Variants in KCND2 observed in about 807,000 individuals in gnomAD.
KCND2 encodes the protein potassium voltage-gated channel subfamily D member 2, also known as A-type voltage-gated potassium channel KCND2.
A neutral mutation model predicts 54.4 loss-of-function variants in KCND2; 16 were observed. That is an observed-to-expected ratio of 0.29 (90% CI 0.20 to 0.45). The LOEUF is 0.45. Among genes scored for constraint, KCND2 ranks in the 20% least tolerant of loss-of-function variants. KCND2 has a pLI of 1.00. For missense variants in KCND2, 486 were observed against 824.2 expected (o/e 0.59, Z 5.02); for synonymous variants, 317 against 310.7 (o/e 1.02, Z -0.21).
At position 120,509,107 on chromosome 7, in the gene KCND2, A is replaced by T. The variant is rs139522252; in HGVS notation, c.1116-223796A>T. On this transcript the variant is annotated intron_variant, in intron 1 of 5. Coordinates refer to ENST00000331113, the MANE Select transcript of KCND2 (RefSeq NM_012281.3). ...TATAGACTATATTAATTTAAAACTG[A>T]TTTTACTTGTAATTATATTTATAAT... Among the ~76,000 whole-genome samples the T allele has an allele frequency of 5.9e-3, 893 of 152,136 alleles. 8 individuals are homozygous for T. The highest frequency in any genetic ancestry group is 0.021 in the African/African-American group (854 of 41,534).
chr7:120,449,453 G>A (rs1405288574), intron 1 of KCND2, among the ~76,000 whole-genome samples: 1 of 152,162 alleles, frequency 6.6e-6, no homozygotes, highest in Non-Finnish European at 1.5e-5. Context: ...AATCATTTAA[G>A]GAGATTTTAG....
At chr7:120,353,029 T>G (rs1800438181) in intron 1 of KCND2, among the ~76,000 whole-genome samples, 1 of 152,028 alleles carries the variant, frequency 6.6e-6, no homozygotes, top group Non-Finnish European at 1.5e-5. Flanking sequence ...ATTAATTGTG[T>G]GCTAGATTTC....
At chr7:120,426,777 A>C (rs1317485891) in intron 1 of KCND2, among the ~76,000 whole-genome samples, 1 of 151,554 alleles carries the variant, frequency 6.6e-6, no homozygotes, top group East Asian at 1.9e-4. Flanking sequence ...GCCTGCCACC[A>C]TGCCCGGCTA....
intron 1 of KCND2, among the ~76,000 whole-genome samples, chr7:120,362,138 A>C (rs1311204435): frequency 6.6e-6 from 1 of 152,142 alleles, no homozygotes; most frequent in Non-Finnish European, 1.5e-5. Context: ...AATTACAGCT[A>C]AGTCTGTAGT....
chr7:120,729,489 C>G (rs1355603968), intron 1 of KCND2, among the ~76,000 whole-genome samples: 1 of 152,176 alleles, frequency 6.6e-6, no homozygotes, highest in Non-Finnish European at 1.5e-5. Context: ...TCAGGCTGTC[C>G]TTACATGAGA....
chr7:120,546,151 T>C (rs2116388770), intron 1 of KCND2, among the ~76,000 whole-genome samples: 1 of 152,084 alleles, frequency 6.6e-6, no homozygotes, highest in Middle Eastern at 3.4e-3. Context: ...GGTTTCTGTC[T>C]ACCCCTCCAT....
At chr7:120,338,278 G>A (rs995243190) in intron 1 of KCND2, among the ~76,000 whole-genome samples, 1 of 151,974 alleles carries the variant, frequency 6.6e-6, no homozygotes, top group South Asian at 2.1e-4. Flanking sequence ...TTTGTATCCA[G>A]TATCTCTTAC....
chr7:120,460,702 C>T (rs1462435922), intron 1 of KCND2, among the ~76,000 whole-genome samples: 1 of 151,994 alleles, frequency 6.6e-6, no homozygotes, highest in Non-Finnish European at 1.5e-5. Context: ...GGAGGCACCT[C>T]CATACTGATG....
intron 1 of KCND2, among the ~76,000 whole-genome samples, chr7:120,729,480 C>T (rs1228205392): frequency 1.3e-5 from 2 of 152,196 alleles, no homozygotes; most frequent in African/African-American, 4.8e-5. Flanking sequence ...GCCAAGGGCT[C>T]AGGCTGTCCT....
Position 120,274,477 on chromosome 7 carries a change from C to A in KCND2, c.-156C>A. 1 of 825,904 alleles carries A rather than the reference C, an allele frequency of 1.2e-6. No individual in the cohort carries two copies. Among genetic ancestry groups the A allele is most frequent in the Non-Finnish European group, 2.0e-6 (1 of 491,732 alleles). 51.2% of individuals were successfully genotyped at this position (825,904 alleles called of 1,614,324 possible). On this transcript the variant is annotated 5_prime_UTR_variant, in exon 1 of 6. Coordinates refer to ENST00000331113, the MANE Select transcript of KCND2 (RefSeq NM_012281.3). ...AAAGTTGCCCTTCTGAGAACTGTGA[C>A]TTTACCAGGAGCCCTATCTTGGAAT...
chr7:120,537,162 G>A (rs566645187), intron 1 of KCND2, among the ~76,000 whole-genome samples: 7 of 152,288 alleles, frequency 4.6e-5, no homozygotes, highest in South Asian at 2.1e-4. Flanking sequence ...TACATGTTAC[G>A]TTAGCAGGCA....
intron 1 of KCND2, among the ~76,000 whole-genome samples, chr7:120,524,062 C>A (rs553395293): frequency 1.3e-5 from 2 of 151,650 alleles, no homozygotes; most frequent in East Asian, 3.9e-4. Context: ...ATGGTGAAAC[C>A]CCATCTCTCC....
intron 1 of KCND2, among the ~76,000 whole-genome samples, chr7:120,282,629 A>G (rs1165703822): frequency 6.6e-6 from 1 of 152,200 alleles, no homozygotes; most frequent in African/African-American, 2.4e-5. Flanking sequence ...GTAGGATGAC[A>G]GTTGAGATAA....
chr7:120,361,448 A>G (rs1800591792), intron 1 of KCND2, among the ~76,000 whole-genome samples: 1 of 151,728 alleles, frequency 6.6e-6, no homozygotes, highest in Non-Finnish European at 1.5e-5. Context: ...AACATAAGTC[A>G]ATTTCTCAGT....
intron 1 of KCND2, among the ~76,000 whole-genome samples, chr7:120,424,661 C>T (rs1041966582): frequency 2.0e-5 from 3 of 152,158 alleles, no homozygotes; most frequent in South Asian, 2.1e-4. Context: ...TGCCTTCCTA[C>T]GCATGGATTT....
intron 1 of KCND2, among the ~76,000 whole-genome samples, chr7:120,486,321 TA>T (rs749267613): frequency 7.2e-5 from 11 of 152,078 alleles, no homozygotes; most frequent in Non-Finnish European, 1.3e-4. Flanking sequence ...TTTGTAGAAC[TA>T]AAAACAATGA....
intron 1 of KCND2, among the ~76,000 whole-genome samples, chr7:120,333,267 G>T (rs937506820): frequency 6.6e-6 from 1 of 152,052 alleles, no homozygotes; most frequent in Non-Finnish European, 1.5e-5. Context: ...ATGAAATACT[G>T]TTTTCGAATT....
At chr7:120,584,221 T>C (rs1792561860) in intron 1 of KCND2, among the ~76,000 whole-genome samples, 2 of 152,248 alleles carry the variant, frequency 1.3e-5, no homozygotes, top group Admixed American at 1.3e-4. Flanking sequence ...ATCACACATA[T>C]GCTGCCCTTG....
intron 1 of KCND2, among the ~76,000 whole-genome samples, chr7:120,595,648 C>T (rs997386454): frequency 7.0e-6 from 1 of 143,278 alleles, no homozygotes; most frequent in Non-Finnish European, 1.5e-5. Flanking sequence ...CGTGTCATTG[C>T]TAATATCTCA....
Sources: gnomAD v4.1 joint callset for allele counts (sites outside exome capture counted in the v4.1 genomes callset) on GRCh38, gnomAD v4.1.1 for gene constraint, MANE v1.5 for transcripts, NCBI Gene and HGNC (gene_info 2026-07-23, HGNC 2026-07-21) for gene names.